The following MDFIC2 variants were observed in gnomAD, a reference collection of about 807,000 sequenced individuals.
The protein encoded by MDFIC2 is myoD family inhibitor domain-containing protein 2.
chr3:70,206,917 A>G (rs2106724736), intron 2 of MDFIC2, 127 bp from the exon 3 acceptor site: 1 of 394,130 alleles, frequency 2.5e-6, no homozygotes, highest in East Asian at 3.6e-5. Context: ...CAAATGAAGT[A>G]TTATTGAGCA....
At chr3:70,272,729 G>A (rs1446178269) in intron 2 of MDFIC2, among the ~76,000 whole-genome samples, 2 of 152,190 alleles carry the variant, frequency 1.3e-5, no homozygotes, top group South Asian at 2.1e-4. Context: ...TTGCTGGAAT[G>A]TACAAACATT....
At chr3:70,225,631 C>A (rs1701497266) in intron 2 of MDFIC2, among the ~76,000 whole-genome samples, 1 of 152,162 alleles carries the variant, frequency 6.6e-6, no homozygotes, top group African/African-American at 2.4e-5. Context: ...ATTCCAAGTT[C>A]TCTAAACACA....
At chr3:70,236,983 C>T (rs573714415) in intron 2 of MDFIC2, among the ~76,000 whole-genome samples, 3 of 152,188 alleles carry the variant, frequency 2.0e-5, no homozygotes, top group Non-Finnish European at 2.9e-5. Context: ...ATAGCTTAAG[C>T]AACACAGATG....
At chr3:70,303,625 C>T (rs747259259) in intron 2 of MDFIC2, among the ~76,000 whole-genome samples, 3 of 152,108 alleles carry the variant, frequency 2.0e-5, no homozygotes, top group Non-Finnish European at 4.4e-5. Context: ...ACCGATAAAG[C>T]TCCCTTTTAA....
chr3:70,196,635 T>G lies in MDFIC2; in HGVS notation c.*291A>C, dbSNP rs191023582. Among the ~76,000 whole-genome samples, 1 of 152,288 alleles carries G rather than the reference T, an allele frequency of 6.6e-6. No individual in the cohort carries two copies. The highest frequency in any genetic ancestry group is 1.9e-4 in the East Asian group (1 of 5,182). ...ATAACGCAGTGGCTTAACATGCTAT[T>G]TTATAGTCAAGAAACATCTTGTACC... is the stretch of plus-strand genomic sequence containing the variant. On this transcript the variant is annotated 3_prime_UTR_variant, in exon 4 of 4. Coordinates refer to ENST00000567252, the MANE Select transcript of MDFIC2 (RefSeq NM_001364677.1).
intron 2 of MDFIC2, among the ~76,000 whole-genome samples, chr3:70,243,653 C>T (rs1011915513): frequency 5.9e-5 from 9 of 152,172 alleles, no homozygotes; most frequent in African/African-American, 1.7e-4. Context: ...TCTACCCACT[C>T]GATGCCAGCA....
chr3:70,277,691 G>C (rs1316580100), intron 2 of MDFIC2, among the ~76,000 whole-genome samples: 1 of 152,132 alleles, frequency 6.6e-6, no homozygotes, highest in African/African-American at 2.4e-5. Flanking sequence ...CACCTCCCGA[G>C]CTTCAGGGCA....
intron 2 of MDFIC2, among the ~76,000 whole-genome samples, chr3:70,232,404 ATT>A (rs200752002): frequency 4.1e-5 from 6 of 145,050 alleles, no homozygotes; most frequent in South Asian, 2.2e-4. Context: ...TGATGTTCCT[ATT>A]TTTTTTTTTT....
At chr3:70,221,249 A>G (rs1247695862) in intron 2 of MDFIC2, among the ~76,000 whole-genome samples, 1 of 152,184 alleles carries the variant, frequency 6.6e-6, no homozygotes, top group Non-Finnish European at 1.5e-5. Context: ...AAAAATAATG[A>G]TAGCTAACAT....
chr3:70,269,794 G>A (rs1701956763), intron 2 of MDFIC2, among the ~76,000 whole-genome samples: 1 of 152,110 alleles, frequency 6.6e-6, no homozygotes, highest in South Asian at 2.1e-4. Context: ...AAAGGACAAA[G>A]AAGAAATTTA....
intron 2 of MDFIC2, among the ~76,000 whole-genome samples, chr3:70,283,235 T>C (rs1702106408): frequency 6.6e-6 from 1 of 152,024 alleles, no homozygotes; most frequent in Non-Finnish European, 1.5e-5. Context: ...CTGAAATAGA[T>C]TTGCGGGAAC....
At chr3:70,275,086 C>A (rs911963686) in intron 2 of MDFIC2, among the ~76,000 whole-genome samples, 3 of 152,128 alleles carry the variant, frequency 2.0e-5, no homozygotes, top group Admixed American at 6.5e-5. Flanking sequence ...TTATTTATAA[C>A]CTCCAAACAG....
chr3:70,293,411 T>G (rs1001734585), intron 2 of MDFIC2, among the ~76,000 whole-genome samples: 2 of 152,178 alleles, frequency 1.3e-5, no homozygotes, highest in African/African-American at 4.8e-5. Flanking sequence ...GGATACTTTG[T>G]AATATCAGCA....
intron 2 of MDFIC2, among the ~76,000 whole-genome samples, chr3:70,215,575 A>G (rs2106732671): frequency 6.6e-6 from 1 of 152,150 alleles, no homozygotes; most frequent in East Asian, 1.9e-4. Flanking sequence ...TGCAACTCCA[A>G]TCCCAATTGT....
At position 70,218,199 on chromosome 3, in the gene MDFIC2, C is replaced by G. The variant is rs150533229; in HGVS notation, c.89-11409G>C. Among the ~76,000 whole-genome samples the G allele has an allele frequency of 1.4e-4, 22 of 152,228 alleles. No homozygotes were observed. In the East Asian group the frequency reaches 4.1e-3, roughly 28 times the overall value. ...ATGTATACCTGGAGGAGGTGCAAAC[C>G]TATGCAATGGGGTTAAAACACTTAT... On this transcript the variant is annotated intron_variant, in intron 2 of 3. Transcript: ENST00000567252.
At chr3:70,288,233 C>T (rs1702188872) in intron 2 of MDFIC2, among the ~76,000 whole-genome samples, 2 of 129,726 alleles carry the variant, frequency 1.5e-5, no homozygotes, top group African/African-American at 3.0e-5. Flanking sequence ...GCTTTGAATG[C>T]ATCCCAGAGA....
chr3:70,257,480 G>C (rs988590290), intron 2 of MDFIC2, among the ~76,000 whole-genome samples: 3 of 152,058 alleles, frequency 2.0e-5, no homozygotes, highest in African/African-American at 7.2e-5. Flanking sequence ...ACAAAGAGAG[G>C]AAGGGAGGAA....
chr3:70,234,886 T>A (rs1440848923), intron 2 of MDFIC2, among the ~76,000 whole-genome samples: 1 of 152,196 alleles, frequency 6.6e-6, no homozygotes, highest in Non-Finnish European at 1.5e-5. Flanking sequence ...CCTGTCACTT[T>A]TTAAACGCTG....
rs149541181 is a variant in MDFIC2, at chr3:70,205,544, T to A, written c.310+1025A>T. Reference sequence around the variant, plus strand: ...GTACCAACTTTTGTACTAGGTGCTTTATACGTTATTTTTTTTTGATCCCCA... The same window carrying A: ...GTACCAACTTTTGTACTAGGTGCTTAATACGTTATTTTTTTTTGATCCCCA... On this transcript the variant is annotated intron_variant, in intron 3 of 3. Transcript: ENST00000567252. 4 of 152,214 alleles carry A rather than the reference T, an allele frequency of 2.6e-5. No individual in the cohort carries two copies. The East Asian group carries it at 7.7e-4, about 29-fold the overall frequency. 9.4% of individuals were successfully genotyped at this position (152,214 alleles called of 1,614,324 possible).
Sources: gnomAD v4.1 joint callset for allele counts (sites outside exome capture counted in the v4.1 genomes callset) on GRCh38, gnomAD v4.1.1 for gene constraint, MANE v1.5 for transcripts, NCBI Gene and HGNC (gene_info 2026-07-23, HGNC 2026-07-21) for gene names.